INSYN2A: variants seen among roughly 807,000 people sequenced by gnomAD.
The protein encoded by INSYN2A is family with sequence similarity 196 member A.
A neutral mutation model predicts 39.4 loss-of-function variants in INSYN2A; 17 were observed. The observed-to-expected ratio is 0.43, with a 90% CI of 0.30 to 0.65. The LOEUF (loss-of-function observed/expected upper bound fraction) is 0.65, where lower values mean the gene tolerates loss of function less well. INSYN2A is among the 30% of genes least tolerant of loss of function. INSYN2A has a pLI of 0.14. For missense variants in INSYN2A, 595 were observed against 631.2 expected, an observed-to-expected ratio of 0.94 and a Z score of 0.61; for synonymous variants, 255 against 265.7, an observed-to-expected ratio of 0.96 and a Z score of 0.39.
chr10:127,145,220 A>G (rs2051690592), intron 5 of INSYN2A, among the ~76,000 whole-genome samples: 1 of 152,076 alleles, frequency 6.6e-6, no homozygotes, highest in Non-Finnish European at 1.5e-5. Context: ...AGAACCTGGC[A>G]TCCCATAAAA....
chr10:127,183,864 T>G (rs567603880), intron 2 of INSYN2A, among the ~76,000 whole-genome samples: 1 of 152,368 alleles, frequency 6.6e-6, no homozygotes, highest in South Asian at 2.1e-4. Flanking sequence ...CCAGGTTAGT[T>G]GGTTGTTTAA....
intron 5 of INSYN2A, among the ~76,000 whole-genome samples, chr10:127,147,984 T>C (rs1015898054): frequency 1.5e-5 from 2 of 130,568 alleles, no homozygotes; most frequent in African/African-American, 2.9e-5. Context: ...TGAGCCGAGA[T>C]TGCACCACTG....
At chr10:127,195,844 G>A (rs1353641877) in intron 1 of INSYN2A, among the ~76,000 whole-genome samples, 153 bp downstream of exon 1, 3 of 152,172 alleles carry the variant, frequency 2.0e-5, no homozygotes, top group Admixed American at 2.0e-4. Flanking sequence ...GGGTGTCCCG[G>A]CCCCGGGAGC....
Position 127,192,662 on chromosome 10 carries a change from T to C in INSYN2A, c.-326A>G, listed in dbSNP as rs1479330411. 3 of 152,220 alleles carry C rather than the reference T, an allele frequency of 2.0e-5. No homozygotes were observed. Among genetic ancestry groups the C allele is most frequent in the South Asian group, 2.1e-4 (1 of 4,828 alleles). The allele number at this position is 152,220 out of a possible 1,614,324, so 9.4% of individuals were successfully genotyped here. ...GAGCCAGGAAATGTCTCTGAAGTTATGGTTTTTCTCAATGTGAGAGGTAAG... is the reference window on the plus strand; with the variant it reads ...GAGCCAGGAAATGTCTCTGAAGTTACGGTTTTTCTCAATGTGAGAGGTAAG... On this transcript the variant is annotated 5_prime_UTR_variant, in exon 2 of 6. Coordinates refer to ENST00000522781, the MANE Select transcript of INSYN2A (RefSeq NM_001039762.3).
chr10:127,168,765 G>A (rs1014473018), intron 4 of INSYN2A, among the ~76,000 whole-genome samples: 1 of 152,208 alleles, frequency 6.6e-6, no homozygotes, highest in Non-Finnish European at 1.5e-5. Flanking sequence ...TGGGAAGCCA[G>A]GAAATCAGAC....
intron 5 of INSYN2A, among the ~76,000 whole-genome samples, chr10:127,147,477 G>A (rs1051841396): frequency 2.0e-5 from 3 of 152,034 alleles, no homozygotes; most frequent in East Asian, 1.9e-4. Context: ...TGCCTTTTAC[G>A]TCCTTGCACC....
chr10:127,195,523 T>A (rs1261973194), intron 1 of INSYN2A, among the ~76,000 whole-genome samples: 1 of 148,160 alleles, frequency 6.7e-6, no homozygotes, highest in Non-Finnish European at 1.5e-5. Context: ...TTCCAACTCA[T>A]CCCCCCCCCG....
intron 5 of INSYN2A, among the ~76,000 whole-genome samples, chr10:127,151,691 G>C (rs2052500331): frequency 6.6e-6 from 1 of 152,172 alleles, no homozygotes; most frequent in Non-Finnish European, 1.5e-5. Flanking sequence ...CATTTTCCCT[G>C]CTCGTATGAG....
chr10:127,141,675 A>C (rs2051264437), intron 5 of INSYN2A, among the ~76,000 whole-genome samples: 1 of 151,252 alleles, frequency 6.6e-6, no homozygotes, highest in Non-Finnish European at 1.5e-5. Context: ...TGTCTTTAAA[A>C]CAAAAAAAAA....
intron 4 of INSYN2A, among the ~76,000 whole-genome samples, chr10:127,173,547 T>C (rs967987714): frequency 1.8e-4 from 28 of 152,226 alleles, no homozygotes; most frequent in African/African-American, 6.3e-4. Context: ...CCTGTGAGTA[T>C]GCACATTAGT....
chr10:127,154,785 T>C (rs2890091), intron 4 of INSYN2A, among the ~76,000 whole-genome samples: 32,470 of 152,028 alleles, frequency 0.21, 4,177 homozygotes, highest in South Asian at 0.29. Context: ...ATAATAATGA[T>C]CTTGGGGTCT....
chr10:127,180,354 C>T (rs2055607862), intron 2 of INSYN2A, among the ~76,000 whole-genome samples: 1 of 152,164 alleles, frequency 6.6e-6, no homozygotes, highest in Non-Finnish European at 1.5e-5. Flanking sequence ...ACCATGGACT[C>T]TGGTTTGGGG....
chr10:127,144,815 A>G (rs1377795951), intron 5 of INSYN2A, among the ~76,000 whole-genome samples: 2 of 152,214 alleles, frequency 1.3e-5, no homozygotes, highest in African/African-American at 4.8e-5. Flanking sequence ...TGGTAGGTGC[A>G]TTAATCAATG....
chr10:127,151,315 T>G (rs1235749953), intron 5 of INSYN2A, among the ~76,000 whole-genome samples: 2 of 152,114 alleles, frequency 1.3e-5, no homozygotes, highest in African/African-American at 4.8e-5. Flanking sequence ...TTGACAGGAC[T>G]CAATGAAATA....
At chr10:127,138,620 C>T (rs2486969) in intron 5 of INSYN2A, among the ~76,000 whole-genome samples, 77,768 of 151,638 alleles carry the variant, frequency 0.51, 21,741 homozygotes, top group East Asian at 0.73. Context: ...CACCATTGAA[C>T]GGTACTCCGC....
At chr10:127,184,761 A>T (rs1325586890) in intron 2 of INSYN2A, among the ~76,000 whole-genome samples, 1 of 151,918 alleles carries the variant, frequency 6.6e-6, no homozygotes, top group Non-Finnish European at 1.5e-5. Flanking sequence ...CCACTGGTTC[A>T]TTTTCCAGGA....
At chr10:127,165,583 T>C (rs1408387853) in intron 4 of INSYN2A, among the ~76,000 whole-genome samples, 1 of 152,210 alleles carries the variant, frequency 6.6e-6, no homozygotes, top group African/African-American at 2.4e-5. Flanking sequence ...AGGTTTATTT[T>C]TATATTGCAT....
chr10:127,163,593 C>T (rs1345810912), intron 4 of INSYN2A, among the ~76,000 whole-genome samples: 1 of 152,058 alleles, frequency 6.6e-6, no homozygotes, highest in Non-Finnish European at 1.5e-5. Flanking sequence ...TGATAACATG[C>T]CCTTTTGCTT....
intron 5 of INSYN2A, among the ~76,000 whole-genome samples, chr10:127,140,638 A>AGGTCTCTGGGTTGAGTTTGACACACCG (rs2051143104): frequency 6.8e-6 from 1 of 147,056 alleles, no homozygotes; most frequent in Non-Finnish European, 1.5e-5. Context: ...TTGACACACC[A>AGGTCTCTGGGTTGAGTTTGACACACCG]AGTCTCTGGG....
Sources: allele counts gnomAD v4.1 joint callset (sites outside exome capture counted in the v4.1 genomes callset), GRCh38; gene constraint gnomAD v4.1.1; transcripts MANE v1.5; gene names NCBI Gene and HGNC (gene_info 2026-07-23, HGNC 2026-07-21).